The following LUZP2 variants were observed in gnomAD, a reference collection of about 807,000 sequenced individuals.
The protein encoded by LUZP2 is leucine zipper protein 2.
In LUZP2, 52 loss-of-function variants were observed where a neutral mutation model predicts 51.6. That is an observed-to-expected ratio of 1.01 (90% CI 0.81 to 1.27). The LOEUF (loss-of-function observed/expected upper bound fraction) is 1.27. Ranked by LOEUF, LUZP2 falls within the 50% of genes most tolerant of loss-of-function variation. The probability of loss-of-function intolerance (pLI) is 0.00; values close to 1 mark genes in which losing one functional copy is unlikely to be tolerated. For missense variants in LUZP2, 436 were observed against 395.4 expected (o/e 1.10, Z -0.87); for synonymous variants, 154 against 137.3 (o/e 1.12, Z -0.85).
intron 1 of LUZP2, among the ~76,000 whole-genome samples, chr11:24,549,853 A>G (rs1381543266): frequency 6.6e-6 from 1 of 152,052 alleles, no homozygotes; most frequent in Admixed American, 6.6e-5. Flanking sequence ...GTTGCTTTCT[A>G]TGGTCATTTA....
rs551842702 is a variant in LUZP2 at position 24,645,445 on chromosome 11, T to C, written c.63-83724T>C. On this transcript the variant is annotated intron_variant, in intron 1 of 11. Transcript: ENST00000336930. ...TAGTCACTCATGTTCCTTTAAAATA[T>C]AGATTGGCATCAGTTTCTTGAATAT... 4.6e-5 allele frequency among the ~76,000 whole-genome samples: 7 copies of C among 152,286 alleles called. No individual in the cohort carries two copies. In the South Asian group the frequency reaches 6.2e-4, roughly 14 times the overall value.
rs889525952 is a variant in LUZP2, at chr11:25,063,864, C to T, written c.859-13465C>T. 1.3e-4 allele frequency among the ~76,000 whole-genome samples: 19 copies of T among 151,762 alleles called. 1 individual carries two copies. The highest frequency in any genetic ancestry group is 3.9e-4 in the African/African-American group (16 of 41,482). On this transcript the variant is annotated intron_variant, in intron 10 of 11. Coordinates refer to ENST00000336930, the MANE Select transcript of LUZP2 (RefSeq NM_001009909.4). ...CACAAAAATTCCATGAATACAATTC[C>T]ATTTCCCTATTAAATAAATGGTAAA...
At chr11:25,051,781 T>C (rs1488266862) in intron 10 of LUZP2, among the ~76,000 whole-genome samples, 3 of 152,174 alleles carry the variant, frequency 2.0e-5, no homozygotes, top group Non-Finnish European at 4.4e-5. Context: ...TGATATATAT[T>C]TTTGAAACTA....
chr11:24,867,968 GA>G (rs1851946993), intron 5 of LUZP2, among the ~76,000 whole-genome samples: 1 of 152,100 alleles, frequency 6.6e-6, no homozygotes, highest in African/African-American at 2.4e-5. Flanking sequence ...TGTATTTTGA[GA>G]AATACATATA....
chr11:25,036,770 G>A (rs1430697343), intron 9 of LUZP2, among the ~76,000 whole-genome samples: 2 of 152,026 alleles, frequency 1.3e-5, no homozygotes, highest in East Asian at 3.9e-4. Flanking sequence ...TGCGTTGAGA[G>A]AGATATTCTT....
chr11:24,536,093 G>A (rs7952648), intron 1 of LUZP2, among the ~76,000 whole-genome samples: 15,061 of 151,708 alleles, frequency 0.099, 922 homozygotes, highest in African/African-American at 0.16. Flanking sequence ...CTCCACACAA[G>A]TCTTAACATA....
chr11:24,880,796 A>T (rs1448227472), intron 5 of LUZP2, among the ~76,000 whole-genome samples: 1 of 150,892 alleles, frequency 6.6e-6, no homozygotes, highest in Non-Finnish European at 1.5e-5. Context: ...GTGTTTTGGA[A>T]CTCGGATGTT....
At chr11:24,647,864 A>T (rs1170144287) in intron 1 of LUZP2, among the ~76,000 whole-genome samples, 1 of 151,830 alleles carries the variant, frequency 6.6e-6, no homozygotes, top group Non-Finnish European at 1.5e-5. Flanking sequence ...CTCTTTTTGA[A>T]TACCCTGGTA....
intron 5 of LUZP2, among the ~76,000 whole-genome samples, chr11:24,816,347 T>G (rs1340485168): frequency 6.6e-6 from 1 of 152,058 alleles, no homozygotes; most frequent in Non-Finnish European, 1.5e-5. Flanking sequence ...AAAGTTTAGA[T>G]TATAGCAATG....
intron 5 of LUZP2, among the ~76,000 whole-genome samples, chr11:24,895,284 C>T (rs1853002480): frequency 6.6e-6 from 1 of 151,866 alleles, no homozygotes; most frequent in Non-Finnish European, 1.5e-5. Context: ...AGAGGAAGAA[C>T]AAGAGGATAA....
At chr11:24,912,099 CCTTT>C (rs1461054402) in intron 6 of LUZP2, among the ~76,000 whole-genome samples, 4 of 151,902 alleles carry the variant, frequency 2.6e-5, no homozygotes, top group Non-Finnish European at 4.4e-5. Context: ...CCTTTCGTTT[CCTTT>C]CTTTTCCTTT....
intron 10 of LUZP2, among the ~76,000 whole-genome samples, chr11:25,050,556 G>A (rs549959801): frequency 9.9e-5 from 15 of 152,024 alleles, no homozygotes; most frequent in African/African-American, 3.4e-4. Flanking sequence ...CGCCCACCTC[G>A]GCCTCCCAAA....
At chr11:24,978,821 T>C (rs980871669) in intron 8 of LUZP2, among the ~76,000 whole-genome samples, 3 of 151,804 alleles carry the variant, frequency 2.0e-5, no homozygotes, top group African/African-American at 4.8e-5. Flanking sequence ...GAATTTGGCC[T>C]GAGTCACAGA....
intron 1 of LUZP2, among the ~76,000 whole-genome samples, chr11:24,619,653 C>A (rs961340646): frequency 1.3e-5 from 2 of 152,056 alleles, no homozygotes; most frequent in African/African-American, 4.8e-5. Flanking sequence ...CCACAGAAAC[C>A]AATATCAGAG....
chr11:24,919,747 A>G (rs1012489680), intron 7 of LUZP2, among the ~76,000 whole-genome samples: 1 of 150,422 alleles, frequency 6.6e-6, no homozygotes, highest in Non-Finnish European at 1.5e-5. Context: ...TTTATGAAAC[A>G]TTTATCTAAC....
chr11:24,562,775 T>C (rs925766364), intron 1 of LUZP2, among the ~76,000 whole-genome samples: 2 of 147,480 alleles, frequency 1.4e-5, no homozygotes, highest in Non-Finnish European at 3.0e-5. Flanking sequence ...GGCAGGAGAA[T>C]GGCATGAACC....
At position 24,549,868 on chromosome 11, in the gene LUZP2, C is replaced by T. The variant is rs1027921088; in HGVS notation, c.62+52563C>T. ...GTTGCTTTCTATGGTCATTTATGGACATGAATTGGAAGATTCAATAAAATA... is the reference window on the plus strand; with the variant it reads ...GTTGCTTTCTATGGTCATTTATGGATATGAATTGGAAGATTCAATAAAATA... On this transcript the variant is annotated intron_variant, in intron 1 of 11. Coordinates refer to ENST00000336930, the MANE Select transcript of LUZP2 (RefSeq NM_001009909.4). 3.3e-5 allele frequency among the ~76,000 whole-genome samples: 5 copies of T among 151,944 alleles called. No homozygotes were observed. The East Asian group carries it at 9.7e-4, about 29-fold the overall frequency.
At chr11:24,915,507 A>G (rs539723863) in intron 7 of LUZP2, among the ~76,000 whole-genome samples, 3 of 152,148 alleles carry the variant, frequency 2.0e-5, no homozygotes, top group Non-Finnish European at 4.4e-5. Flanking sequence ...TCTCCAAACT[A>G]GGTTATGCAT....
intron 4 of LUZP2, among the ~76,000 whole-genome samples, chr11:24,740,268 C>T (rs919930650): frequency 1.3e-5 from 2 of 152,104 alleles, no homozygotes; most frequent in East Asian, 3.9e-4. Flanking sequence ...GTAGATTATG[C>T]AAACTGTCTG....
Sources: allele counts gnomAD v4.1 joint callset (sites outside exome capture counted in the v4.1 genomes callset), GRCh38; gene constraint gnomAD v4.1.1; transcripts MANE v1.5; gene names NCBI Gene and HGNC (gene_info 2026-07-23, HGNC 2026-07-21).